The following PARD3B variants were observed in gnomAD, a reference collection of about 807,000 sequenced individuals.
The protein encoded by PARD3B is par-3 family cell polarity regulator beta, also known as partitioning defective 3 homolog B.
In PARD3B, 103 loss-of-function variants were observed where a neutral mutation model predicts 130.2. The observed-to-expected ratio is 0.79, with a 90% CI of 0.67 to 0.93. The LOEUF (loss-of-function observed/expected upper bound fraction) is 0.93, where lower values mean the gene tolerates loss of function less well. PARD3B is among the 40% of genes least tolerant of loss of function. PARD3B has a pLI of 0.00. For synonymous variants in PARD3B, 583 were observed against 553.2 expected (o/e 1.05, Z -0.76); for missense variants, 1,609 against 1,499.2 (o/e 1.07, Z -1.21).
intron 2 of PARD3B, among the ~76,000 whole-genome samples, chr2:204,920,480 G>T (rs16824682): frequency 6.6e-6 from 1 of 152,066 alleles, no homozygotes; most frequent in African/African-American, 2.4e-5. Context: ...ACAGCTCTAC[G>T]TTTGAGGCTA....
At chr2:205,498,198 TAAA>T (rs61076057) in intron 20 of PARD3B, among the ~76,000 whole-genome samples, 197 of 124,518 alleles carry the variant, frequency 1.6e-3, no homozygotes, top group Middle Eastern at 4.3e-3. Context: ...AGACTCTGAC[TAAA>T]AAAAAAAAAA....
At chr2:205,606,146 C>A (rs375462827) in intron 22 of PARD3B, among the ~76,000 whole-genome samples, 19 of 151,710 alleles carry the variant, frequency 1.3e-4, no homozygotes, top group African/African-American at 4.6e-4. Context: ...GACAGCCACC[C>A]CTCCCCACAG....
chr2:205,316,832 A>G (rs560516041), intron 18 of PARD3B, among the ~76,000 whole-genome samples: 4 of 152,316 alleles, frequency 2.6e-5, no homozygotes, highest in South Asian at 4.1e-4. Context: ...AAGTTATTCA[A>G]TACTATTGAG....
intron 16 of PARD3B, among the ~76,000 whole-genome samples, chr2:205,255,840 G>A (rs1255566562): frequency 1.3e-5 from 2 of 152,114 alleles, no homozygotes; most frequent in African/African-American, 4.8e-5. Flanking sequence ...TCCAAACCCT[G>A]TGCTCTTGGG....
At chr2:204,987,239 G>A (rs1693241871) in intron 3 of PARD3B, among the ~76,000 whole-genome samples, 2 of 152,120 alleles carry the variant, frequency 1.3e-5, no homozygotes, top group Admixed American at 6.5e-5. Flanking sequence ...CAATCAACTT[G>A]CAAATAAATG....
chr2:205,453,901 T>C (rs966768481), intron 20 of PARD3B, among the ~76,000 whole-genome samples: 6 of 152,166 alleles, frequency 3.9e-5, no homozygotes, highest in South Asian at 2.1e-4. Context: ...TCAGAGTAGA[T>C]TGCAGTCAAA....
rs189876954 is a variant in PARD3B, at chr2:205,004,986, G to A, written c.394+39663G>A. Among the ~76,000 whole-genome samples, 4 of 152,170 alleles carry A rather than the reference G, an allele frequency of 2.6e-5. No individual in the cohort carries two copies. The East Asian group carries it at 7.7e-4, about 29-fold the overall frequency. On this transcript the variant is annotated intron_variant, in intron 3 of 22. Transcript: ENST00000406610. ...AGGAGAGTCAGTATAATTCCATTAA[G>A]CATCACTTTCATACTCCACAACCAA...
Position 204,947,122 on chromosome 2 carries a change from A to G in PARD3B, c.223-18030A>G, listed in dbSNP as rs561809598. On this transcript the variant is annotated intron_variant, in intron 2 of 22. Coordinates refer to ENST00000406610, the MANE Select transcript of PARD3B (RefSeq NM_001302769.2). ...ACCCAGAAATAAGGTTTAACTGAAT[A>G]TCTGGGCACCCTGTGGCTCAGTCAA... Among the ~76,000 whole-genome samples, 4 of 152,294 alleles carry G rather than the reference A, an allele frequency of 2.6e-5. No individual in the cohort carries two copies. In the East Asian group the frequency reaches 7.7e-4, roughly 29 times the overall value.
intron 16 of PARD3B, among the ~76,000 whole-genome samples, chr2:205,290,687 A>G (rs2041575561): frequency 6.6e-6 from 1 of 152,228 alleles, no homozygotes; most frequent in Non-Finnish European, 1.5e-5. Context: ...GTGTTTGAAG[A>G]TAGTGACACA....
intron 10 of PARD3B, among the ~76,000 whole-genome samples, chr2:205,126,120 G>A (rs570141413): frequency 6.6e-6 from 1 of 152,266 alleles, no homozygotes; most frequent in East Asian, 1.9e-4. Flanking sequence ...TAAAAAGATA[G>A]CCAAGTATTC....
In PARD3B at chr2:205,116,045, A is replaced by G. The variant is rs570810713; in HGVS notation, c.680+2468A>G. Among the ~76,000 whole-genome samples, 2 of 152,242 alleles carry G rather than the reference A, an allele frequency of 1.3e-5. No homozygotes were observed. The highest frequency in any genetic ancestry group is 4.1e-4 in the South Asian group (2 of 4,828). ...ATTATAGTGGCTGCTCTGCTAGATAAAGCCTCAATGAATTCATTAGATACC... is the reference window on the plus strand; with the variant it reads ...ATTATAGTGGCTGCTCTGCTAGATAGAGCCTCAATGAATTCATTAGATACC... On this transcript the variant is annotated intron_variant, in intron 6 of 22. Coordinates refer to ENST00000406610, the MANE Select transcript of PARD3B (RefSeq NM_001302769.2). The surrounding 1 kb of genome is among the most constrained non-coding windows in gnomAD (Gnocchi z 4.5).
At position 204,546,014 on chromosome 2, in the gene PARD3B, G is replaced by C; in HGVS notation, c.15G>C (p.Val5=). MKVT[V]CFGRTGIVVP... is the part of the protein sequence containing the mutation. ...CGGGGGCCAGGATGAAAGTGACCGT[G>C]TGCTTCGGCAGGACGGGCATCGTGG... The change falls in exon 1 of 23, where the codon GTG becomes GTC. Residue 5 remains valine, a synonymous_variant. Coordinates refer to ENST00000406610, the MANE Select transcript of PARD3B (RefSeq NM_001302769.2). 1.3e-6 allele frequency: 2 copies of C among 1,568,636 alleles called. No individual in the cohort carries two copies. Among genetic ancestry groups the C allele is most frequent in the Non-Finnish European group, 1.7e-6 (2 of 1,156,092 alleles).
chr2:205,080,193 A>C (rs1701317140), intron 4 of PARD3B, among the ~76,000 whole-genome samples: 1 of 152,140 alleles, frequency 6.6e-6, no homozygotes, highest in Admixed American at 6.6e-5. Context: ...TAAAACTTAA[A>C]ATTAAATTTT....
chr2:205,184,080 A>G (rs540845754), intron 13 of PARD3B, among the ~76,000 whole-genome samples: 2 of 152,256 alleles, frequency 1.3e-5, no homozygotes, highest in South Asian at 2.1e-4. Context: ...TGTTCTATTC[A>G]TGCCTTCACG....
At chr2:205,492,667 G>A (rs2049764140) in intron 20 of PARD3B, among the ~76,000 whole-genome samples, 1 of 152,040 alleles carries the variant, frequency 6.6e-6, no homozygotes, top group Non-Finnish European at 1.5e-5. Context: ...AAATAGAGAT[G>A]CTTTATAAGA....
At chr2:204,875,899 T>C (rs75571152) in intron 2 of PARD3B, among the ~76,000 whole-genome samples, 10,211 of 152,254 alleles carry the variant, frequency 0.067, 409 homozygotes, top group Middle Eastern at 0.11. Context: ...AGGGTGAATC[T>C]TTCGGGTTCT....
chr2:204,861,197 T>A (rs1350235435), intron 2 of PARD3B, among the ~76,000 whole-genome samples: 2 of 143,492 alleles, frequency 1.4e-5, no homozygotes, highest in Non-Finnish European at 3.0e-5. Flanking sequence ...TCTCTCTCTC[T>A]CTCTCTCTCT....
At chr2:205,123,929 G>A (rs2031070634) in intron 8 of PARD3B, among the ~76,000 whole-genome samples, 1 of 152,158 alleles carries the variant, frequency 6.6e-6, no homozygotes, top group South Asian at 2.1e-4. Flanking sequence ...CACAAGTAGA[G>A]GGCTCAGCCA....
At chr2:204,622,617 T>C (rs1002756447) in intron 1 of PARD3B, among the ~76,000 whole-genome samples, 18 of 151,582 alleles carry the variant, frequency 1.2e-4, no homozygotes, top group African/African-American at 4.4e-4. Context: ...ACTACTATTA[T>C]ATAGCCGTAT....
Sources: allele counts gnomAD v4.1 joint callset (sites outside exome capture counted in the v4.1 genomes callset), GRCh38; gene constraint gnomAD v4.1.1; non-coding constraint Gnocchi (gnomAD v3.1); transcripts MANE v1.5; gene names NCBI Gene and HGNC (gene_info 2026-07-23, HGNC 2026-07-21).